Variants in PLCXD2 observed in about 807,000 individuals in gnomAD.
The protein encoded by PLCXD2 is phosphatidylinositol specific phospholipase C X domain containing 2.
A neutral mutation model predicts 28.6 loss-of-function variants in PLCXD2; 21 were observed. The observed-to-expected ratio is 0.73, with a 90% confidence interval of 0.52 to 1.06. PLCXD2 has a LOEUF of 1.06. Ranked by LOEUF, PLCXD2 falls within the 50% of genes least tolerant of loss-of-function variation. PLCXD2 has a pLI of 0.00. For missense variants in PLCXD2, 369 were observed against 376.7 expected (o/e 0.98, Z 0.17); for synonymous variants, 140 against 150.1 (o/e 0.93, Z 0.49).
chr3:111,706,907 T>C (rs1941127649), intron 1 of PLCXD2, among the ~76,000 whole-genome samples: 1 of 152,020 alleles, frequency 6.6e-6, no homozygotes, highest in African/African-American at 2.4e-5. Flanking sequence ...AATATATTTA[T>C]ACACCTAACA....
At chr3:111,700,871 G>T (rs547646804) in intron 1 of PLCXD2, among the ~76,000 whole-genome samples, 2 of 152,266 alleles carry the variant, frequency 1.3e-5, no homozygotes, top group African/African-American at 4.8e-5. Flanking sequence ...GAATATAAAA[G>T]TCAGGTTGCA....
In PLCXD2 at chr3:111,719,287, A is replaced by T. The variant is rs919839624; in HGVS notation, c.866+5159A>T. Reference sequence around the variant, plus strand: ...GGAATTCGGCTCATGAAAATATGTCACTGAGAAAACTGACAGACAAGCTAT... The same window carrying T: ...GGAATTCGGCTCATGAAAATATGTCTCTGAGAAAACTGACAGACAAGCTAT... On this transcript the variant is annotated intron_variant, in intron 3 of 4. Transcript: ENST00000477665. 2.6e-5 allele frequency among the ~76,000 whole-genome samples: 4 copies of T among 152,368 alleles called. No individual in the cohort carries two copies. The East Asian group carries it at 7.7e-4, about 29-fold the overall frequency.
chr3:111,716,126 C>A (rs1356736051), intron 3 of PLCXD2, among the ~76,000 whole-genome samples: 2 of 152,202 alleles, frequency 1.3e-5, no homozygotes, highest in African/African-American at 2.4e-5. Flanking sequence ...ATCTCGCCCC[C>A]CTGCCGGCCA....
intron 3 of PLCXD2, among the ~76,000 whole-genome samples, chr3:111,718,397 G>A (rs137891699): frequency 0.025 from 3,759 of 151,984 alleles, 154 homozygotes; most frequent in African/African-American, 0.085. Flanking sequence ...CCCGGGAGAC[G>A]GAGCTTGCAG....
intron 1 of PLCXD2, among the ~76,000 whole-genome samples, chr3:111,687,116 T>C (rs1189622887): frequency 6.6e-6 from 1 of 152,246 alleles, no homozygotes; most frequent in Non-Finnish European, 1.5e-5. Context: ...TCTGTATAGA[T>C]GCATTTAGTA....
At chr3:111,718,472 AAAT>A (rs1031550552) in intron 3 of PLCXD2, among the ~76,000 whole-genome samples, 6 of 151,194 alleles carry the variant, frequency 4.0e-5, no homozygotes, top group African/African-American at 7.3e-5. Context: ...CTCAAAAAAA[AAAT>A]AAGATGATGG....
chr3:111,690,861 A>G (rs1576455750), intron 1 of PLCXD2, among the ~76,000 whole-genome samples: 1 of 152,242 alleles, frequency 6.6e-6, no homozygotes, highest in Admixed American at 6.5e-5. Context: ...ATTCCAGCCA[A>G]ACTAGGTAAC....
intron 1 of PLCXD2, among the ~76,000 whole-genome samples, chr3:111,701,356 A>C (rs1441387575): frequency 6.6e-6 from 1 of 152,218 alleles, no homozygotes; most frequent in African/African-American, 2.4e-5. Flanking sequence ...AAATATAGAC[A>C]TATTTGGGGT....
intron 1 of PLCXD2, among the ~76,000 whole-genome samples, chr3:111,679,905 C>A (rs1462770090): frequency 2.0e-5 from 3 of 152,142 alleles, no homozygotes; most frequent in Non-Finnish European, 2.9e-5. Flanking sequence ...TGGCTGCTGC[C>A]TCTCCCAGAT....
intron 1 of PLCXD2, among the ~76,000 whole-genome samples, chr3:111,688,642 C>T (rs1940830227): frequency 6.6e-6 from 1 of 152,182 alleles, no homozygotes; most frequent in South Asian, 2.1e-4. Flanking sequence ...TGGCCCAAAG[C>T]TGTCAGGTAA....
intron 1 of PLCXD2, among the ~76,000 whole-genome samples, chr3:111,698,739 G>T (rs966171372): frequency 3.9e-5 from 6 of 152,144 alleles, no homozygotes; most frequent in African/African-American, 1.4e-4. Context: ...GATAAAAAGA[G>T]ACAGTGTCAG....
chr3:111,725,991 T>G (rs1941410080), intron 3 of PLCXD2: 1 of 397,388 alleles, frequency 2.5e-6, no homozygotes, highest in Admixed American at 4.4e-5. Flanking sequence ...ATCACAGTGG[T>G]TATTGCTTCT....
intron 2 of PLCXD2, among the ~76,000 whole-genome samples, chr3:111,710,427 C>T (rs1161470856): frequency 6.6e-6 from 1 of 152,182 alleles, no homozygotes; most frequent in Non-Finnish European, 1.5e-5. Flanking sequence ...ATTTGATCCT[C>T]TCAGTGACAC....
chr3:111,688,739 G>A (rs1409151591), intron 1 of PLCXD2, among the ~76,000 whole-genome samples: 1 of 151,962 alleles, frequency 6.6e-6, no homozygotes, highest in Admixed American at 6.6e-5. Flanking sequence ...ACCTCCTTTT[G>A]GGTAAGGTTT....
At position 111,694,832 on chromosome 3, in the gene PLCXD2, T is replaced by G. The variant is rs143363215; in HGVS notation, c.164-13094T>G. On this transcript the variant is annotated intron_variant, in intron 1 of 4. Transcript: ENST00000477665. ...CCTCATCACTGTCAAAGTCTGAGAG[T>G]GGACATTCATGCTGAAGGAGGAGCA... 1.3e-3 allele frequency among the ~76,000 whole-genome samples: 200 copies of G among 152,146 alleles called. 1 individual carries two copies. The highest frequency in any genetic ancestry group is 4.7e-3 in the African/African-American group (195 of 41,522).
At chr3:111,691,781 A>T (rs1009159694) in intron 1 of PLCXD2, among the ~76,000 whole-genome samples, 1 of 152,176 alleles carries the variant, frequency 6.6e-6, no homozygotes, top group African/African-American at 2.4e-5. Context: ...TGCAACCCTG[A>T]ACTAGTTGCA....
rs577076088 is a variant in PLCXD2 at position 111,694,195 on chromosome 3, T to G, written c.164-13731T>G. ...CTCCTCAGCCTTCACTCCCAGCTTC[T>G]CAACCTCTCTCTGTTTCCTCAGCAG... On this transcript the variant is annotated intron_variant, in intron 1 of 4. Coordinates refer to ENST00000477665, the MANE Select transcript of PLCXD2 (RefSeq NM_001185106.1). 9.2e-5 allele frequency among the ~76,000 whole-genome samples: 14 copies of G among 152,308 alleles called. No homozygotes were observed. In the South Asian group the frequency reaches 2.7e-3, roughly 29 times the overall value.
intron 3 of PLCXD2, among the ~76,000 whole-genome samples, chr3:111,718,540 GATTT>G (rs1302954199): frequency 1.4e-5 from 2 of 140,378 alleles, no homozygotes; most frequent in African/African-American, 5.2e-5. Flanking sequence ...TAGATTGATT[GATTT>G]ATGATATGTG....
At chr3:111,695,468 A>C (rs1038167560) in intron 1 of PLCXD2, among the ~76,000 whole-genome samples, 1 of 152,240 alleles carries the variant, frequency 6.6e-6, no homozygotes, top group Non-Finnish European at 1.5e-5. Context: ...ATATGCCAGC[A>C]TCACTGCTGT....
Sources: gnomAD v4.1 joint callset for allele counts (sites outside exome capture counted in the v4.1 genomes callset) on GRCh38, gnomAD v4.1.1 for gene constraint, MANE v1.5 for transcripts, NCBI Gene and HGNC (gene_info 2026-07-23, HGNC 2026-07-21) for gene names.